Variants in WDR12 observed in about 807,000 individuals in gnomAD.
The protein encoded by WDR12 is WD repeat domain 12, also known as ribosome biogenesis protein WDR12.
A neutral mutation model predicts 64.3 loss-of-function variants in WDR12; 42 were observed. The observed-to-expected ratio is 0.65, with a 90% CI of 0.51 to 0.84. WDR12 has a LOEUF of 0.84. WDR12 is among the 40% of genes least tolerant of loss of function. The pLI is 0.00. For synonymous variants in WDR12, 158 were observed against 173.3 expected (o/e 0.91, Z 0.70); for missense variants, 469 against 494.6 (o/e 0.95, Z 0.49).
intron 2 of WDR12, among the ~76,000 whole-genome samples, chr2:202,906,890 A>G (rs1005673747): frequency 2.0e-5 from 3 of 152,180 alleles, no homozygotes; most frequent in African/African-American, 4.8e-5. Flanking sequence ...AGAAATATCA[A>G]TCAAAACTAC....
intron 8 of WDR12, 54 bp downstream of exon 8, chr2:202,892,563 C>A (rs2105906573): frequency 8.2e-7 from 1 of 1,223,234 alleles, no homozygotes; most frequent in South Asian, 1.3e-5. Context: ...AAATTACCAT[C>A]TATTTGTCAA....
chr2:202,877,055 T>C lies in WDR12; in HGVS notation c.*3805A>G, dbSNP rs2105900454. On this transcript the variant is annotated 3_prime_UTR_variant, in exon 13 of 13. Coordinates refer to ENST00000261015, the MANE Select transcript of WDR12 (RefSeq NM_018256.4). The stretch of plus-strand genomic sequence containing the variant: ...ACGATACATCAAAAGAATTTTAGAC[T>C]GTGTGAACAGATTTCAATGTTATTA... The C allele has an allele frequency of 6.6e-6, 1 of 152,076 alleles. No individual in the cohort carries two copies. Among genetic ancestry groups the C allele is most frequent in the East Asian group, 1.9e-4 (1 of 5,192 alleles). 9.4% of individuals were successfully genotyped at this position (152,076 alleles called of 1,614,324 possible). A position where few individuals can be genotyped will look rare whatever the true frequency, so the allele number is the denominator to read the frequency against.
intron 6 of WDR12, among the ~76,000 whole-genome samples, chr2:202,895,599 T>C (rs1454361136): frequency 6.7e-6 from 1 of 149,032 alleles, no homozygotes; most frequent in Non-Finnish European, 1.5e-5. Context: ...TCTCGGTCAC[T>C]GCAACCTCTG....
chr2:202,880,136 T>C lies in WDR12; in HGVS notation c.*724A>G, dbSNP rs1275787794. 1 of 152,222 alleles carries C rather than the reference T, an allele frequency of 6.6e-6. No individual in the cohort carries two copies. Among genetic ancestry groups the C allele is most frequent in the Admixed American group, 6.5e-5 (1 of 15,286 alleles). 9.4% of individuals were successfully genotyped at this position (152,222 alleles called of 1,614,324 possible). Reference sequence around the variant, plus strand: ...ACTGAATTTCTAACTTTTTCTCTATTACAATTTTCATTAATCTTTTTGAAT... The same window carrying C: ...ACTGAATTTCTAACTTTTTCTCTATCACAATTTTCATTAATCTTTTTGAAT... On this transcript the variant is annotated 3_prime_UTR_variant, in exon 13 of 13. Transcript: ENST00000261015.
intron 5 of WDR12, 33 bp from the exon 6 acceptor site, chr2:202,896,252 A>T: frequency 6.2e-7 from 1 of 1,603,770 alleles, no homozygotes; most frequent in Non-Finnish European, 8.5e-7. Context: ...ATAAGAAACA[A>T]ATCAGTATAC....
intron 12 of WDR12, among the ~76,000 whole-genome samples, chr2:202,881,410 A>T (rs1409535781): frequency 6.6e-6 from 1 of 152,208 alleles, no homozygotes; most frequent in Non-Finnish European, 1.5e-5. Context: ...GACTTATGCA[A>T]GATTTTTCCA....
Position 202,900,038 on chromosome 2 carries a change from G to A in WDR12, c.232-401C>T, listed in dbSNP as rs867641880. The stretch of plus-strand genomic sequence containing the variant: ...GCAAATGGGGGGGAAAGGAATATAA[G>A]AAAGCCTTAGGCCAGGTGCAGTGGC... On this transcript the variant is annotated intron_variant, in intron 3 of 12. Transcript: ENST00000261015. 3.3e-5 allele frequency among the ~76,000 whole-genome samples: 5 copies of A among 152,084 alleles called. No homozygotes were observed. The South Asian group carries it at 1.0e-3, about 32-fold the overall frequency.
At chr2:202,886,641 C>A (rs1170800593) in intron 8 of WDR12, among the ~76,000 whole-genome samples, 1 of 151,764 alleles carries the variant, frequency 6.6e-6, no homozygotes, top group Non-Finnish European at 1.5e-5. Context: ...GTGGTGCATG[C>A]CTGTCATCCC....
At chr2:202,888,971 G>A (rs530338929) in intron 8 of WDR12, among the ~76,000 whole-genome samples, 13 of 152,210 alleles carry the variant, frequency 8.5e-5, no homozygotes, top group Admixed American at 1.3e-4. Flanking sequence ...TGGCTTCAAA[G>A]TACAGGTGTT....
chr2:202,898,624 AAGAT>A (rs1559162489), intron 4 of WDR12, among the ~76,000 whole-genome samples: 1 of 152,188 alleles, frequency 6.6e-6, no homozygotes, highest in Non-Finnish European at 1.5e-5. Context: ...GATTTGCCCT[AAGAT>A]ATCTGTACCT....
chr2:202,897,508 A>G, intron 4 of WDR12, 93 bp from the exon 5 acceptor site: 1 of 616,346 alleles, frequency 1.6e-6, no homozygotes, highest in Non-Finnish European at 2.7e-6. Context: ...TTTGAGGATT[A>G]TACTTTTAAA....
At chr2:202,902,940 G>T (rs1023492661) in intron 2 of WDR12, among the ~76,000 whole-genome samples, 2 of 152,122 alleles carry the variant, frequency 1.3e-5, no homozygotes, top group African/African-American at 4.8e-5. Flanking sequence ...CCAGCCGGGT[G>T]TGGTGGCACG....
At position 202,880,456 on chromosome 2, in the gene WDR12, G is replaced by A. The variant is rs1559157297; in HGVS notation, c.*404C>T. 6.5e-6 allele frequency: 1 copy of A among 153,218 alleles called. No individual in the cohort carries two copies. Among genetic ancestry groups the A allele is most frequent in the African/African-American group, 2.4e-5 (1 of 41,212 alleles). 9.5% of individuals were successfully genotyped at this position (153,218 alleles called of 1,614,324 possible). ...CCAGCTACTTGGGAGGTTGAGACAG[G>A]AGAATCGATTGAACCTAGGAAGCGG... is the stretch of plus-strand genomic sequence containing the variant. On this transcript the variant is annotated 3_prime_UTR_variant, in exon 13 of 13. Coordinates refer to ENST00000261015, the MANE Select transcript of WDR12 (RefSeq NM_018256.4).
chr2:202,882,245 T>C (rs1351614594), intron 12 of WDR12, among the ~76,000 whole-genome samples: 1 of 152,084 alleles, frequency 6.6e-6, no homozygotes, highest in Non-Finnish European at 1.5e-5. Flanking sequence ...AGGACAAATT[T>C]GTTTCTTCTT....
chr2:202,906,961 T>C (rs1688469244), intron 2 of WDR12, among the ~76,000 whole-genome samples: 1 of 151,680 alleles, frequency 6.6e-6, no homozygotes, highest in Admixed American at 6.6e-5. Context: ...CTTCAACATT[T>C]TTTTTTTTTT....
chr2:202,911,448 G>A lies in WDR12; in HGVS notation c.29C>T (p.Thr10Ile). The A allele has an allele frequency of 3.1e-6, 5 of 1,614,186 alleles. No homozygotes were observed. The highest frequency in any genetic ancestry group is 4.2e-6 in the Non-Finnish European group (5 of 1,180,030). Reference sequence around the variant, plus strand: ...AACGCTTACTTACTTCTTGTTATCAGTGTAGAAGCGTGTTTGGAGCTGAGC... The same window carrying A: ...AACGCTTACTTACTTCTTGTTATCAATGTAGAAGCGTGTTTGGAGCTGAGC... MAQLQTRFYTDNKKYAVDDV... is the reference protein window; with the variant it reads MAQLQTRFYIDNKKYAVDDV... Residue 10 changes from threonine (T) to isoleucine (I), a missense_variant, in exon 1 of 13, where the codon ACT becomes ATT. Thr to Ile is a moderately conservative substitution (Grantham distance 89). Coordinates refer to ENST00000261015, the MANE Select transcript of WDR12 (RefSeq NM_018256.4).
intron 6 of WDR12, among the ~76,000 whole-genome samples, chr2:202,895,517 C>CTTT (rs901435872): frequency 8.5e-4 from 95 of 111,458 alleles, no homozygotes; most frequent in Non-Finnish European, 1.1e-3. Flanking sequence ...TCATTTCTTT[C>CTTT]TTTTTTTTTT....
chr2:202,908,162 T>C (rs557150697), intron 1 of WDR12, among the ~76,000 whole-genome samples: 89 of 152,298 alleles, frequency 5.8e-4, no homozygotes, highest in African/African-American at 2.0e-3. Flanking sequence ...AATGAAGTTA[T>C]ATAAGAACAA....
chr2:202,880,806 C>A lies in WDR12; in HGVS notation c.*54G>T. On this transcript the variant is annotated 3_prime_UTR_variant, in exon 13 of 13. Coordinates refer to ENST00000261015, the MANE Select transcript of WDR12 (RefSeq NM_018256.4). ...TCTGCATCTATGTAATTTCATGGTT[C>A]TCTACCAATTTCATTTACAGAAATA... 2 of 1,521,892 alleles carry A rather than the reference C, an allele frequency of 1.3e-6. No individual in the cohort carries two copies. Among genetic ancestry groups the A allele is most frequent in the Non-Finnish European group, 1.8e-6 (2 of 1,113,792 alleles). The allele number at this position is 1,521,892 out of a possible 1,614,324, so 94.3% of individuals were successfully genotyped here. A position where few individuals can be genotyped will look rare whatever the true frequency, so the allele number is the denominator to read the frequency against.
Sources: allele counts gnomAD v4.1 joint callset (sites outside exome capture counted in the v4.1 genomes callset), GRCh38; gene constraint gnomAD v4.1.1; transcripts MANE v1.5; gene names NCBI Gene and HGNC (gene_info 2026-07-23, HGNC 2026-07-21).